The following CNBD1 variants were observed in gnomAD, a reference collection of about 807,000 sequenced individuals.
The protein encoded by CNBD1 is cyclic nucleotide binding domain containing 1.
A neutral mutation model predicts 54.4 loss-of-function variants in CNBD1; 71 were observed. The ratio of observed to expected loss-of-function variants is 1.30; its 90% CI spans 1.08 to 1.59. The LOEUF (loss-of-function observed/expected upper bound fraction) is 1.59, where lower values mean the gene tolerates loss of function less well. Among genes scored for constraint, CNBD1 ranks in the 40% most tolerant of loss-of-function variants. The probability of loss-of-function intolerance (pLI) is 0.00; values close to 1 mark genes in which losing one functional copy is unlikely to be tolerated. For missense variants in CNBD1, 659 were observed against 518.0 expected (o/e 1.27, Z -2.64); for synonymous variants, 182 against 170.7 (o/e 1.07, Z -0.51).
intron 8 of CNBD1, among the ~76,000 whole-genome samples, chr8:87,348,829 A>C (rs1810226022): frequency 6.6e-6 from 1 of 152,222 alleles, no homozygotes. Flanking sequence ...AAATGATTTT[A>C]TTAGACTTGG....
At chr8:87,151,098 C>G (rs1420976325) in intron 4 of CNBD1, among the ~76,000 whole-genome samples, 1 of 152,184 alleles carries the variant, frequency 6.6e-6, no homozygotes, top group East Asian at 1.9e-4. Context: ...GCCAACCAAA[C>G]TTCAGAATGG....
intron 1 of CNBD1, among the ~76,000 whole-genome samples, chr8:86,880,587 T>A (rs1018922901): frequency 6.6e-5 from 10 of 152,120 alleles, no homozygotes; most frequent in African/African-American, 2.4e-4. Flanking sequence ...CCCATGGATA[T>A]TGATGGACAA....
chr8:86,930,320 GT>G (rs1809434428), intron 3 of CNBD1, among the ~76,000 whole-genome samples: 1 of 152,144 alleles, frequency 6.6e-6, no homozygotes, highest in Admixed American at 6.6e-5. Flanking sequence ...TAGATGCCTT[GT>G]ACCCTTGATT....
chr8:87,304,374 A>T (rs1349013586), intron 8 of CNBD1, among the ~76,000 whole-genome samples: 1 of 152,154 alleles, frequency 6.6e-6, no homozygotes, highest in East Asian at 1.9e-4. Flanking sequence ...TTCTCAGCAA[A>T]CTATCACAAG....
At chr8:87,148,156 T>A (rs1460312711) in intron 4 of CNBD1, among the ~76,000 whole-genome samples, 1 of 152,218 alleles carries the variant, frequency 6.6e-6, no homozygotes, top group Admixed American at 6.5e-5. Flanking sequence ...ATGGTGCTTT[T>A]ACAAATTAAA....
intron 7 of CNBD1, among the ~76,000 whole-genome samples, chr8:87,286,029 C>A (rs1313518056): frequency 6.6e-6 from 1 of 152,294 alleles, no homozygotes; most frequent in Non-Finnish European, 1.5e-5. Flanking sequence ...GAGAAGACAT[C>A]CATCTTCTTG....
chr8:86,913,402 C>G (rs536904487), intron 3 of CNBD1, among the ~76,000 whole-genome samples: 8 of 151,994 alleles, frequency 5.3e-5, no homozygotes, highest in Non-Finnish European at 1.0e-4. Flanking sequence ...ATCGGGGGAA[C>G]CTGCCCCCGA....
intron 4 of CNBD1, among the ~76,000 whole-genome samples, chr8:87,036,766 A>T (rs922934751): frequency 6.6e-6 from 1 of 152,038 alleles, no homozygotes. Flanking sequence ...TAAAAGTAAA[A>T]CTCTAATAAT....
chr8:87,107,473 G>T (rs1049297161), intron 4 of CNBD1, among the ~76,000 whole-genome samples: 1 of 152,096 alleles, frequency 6.6e-6, no homozygotes, highest in African/African-American at 2.4e-5. Flanking sequence ...GCCTATTCCA[G>T]CTACTCATCT....
At chr8:87,218,219 C>T (rs1306842038) in intron 5 of CNBD1, among the ~76,000 whole-genome samples, 1 of 152,024 alleles carries the variant, frequency 6.6e-6, no homozygotes, top group African/African-American at 2.4e-5. Context: ...AGTGGTTAGA[C>T]ATAATAGTTA....
At chr8:87,347,167 A>C (rs1563563324) in intron 8 of CNBD1, among the ~76,000 whole-genome samples, 1 of 152,030 alleles carries the variant, frequency 6.6e-6, no homozygotes, top group Non-Finnish European at 1.5e-5. Context: ...TCTTTTTATT[A>C]ATGTTTTTTG....
intron 4 of CNBD1, among the ~76,000 whole-genome samples, chr8:87,146,183 T>A (rs1440991196): frequency 6.6e-6 from 1 of 152,152 alleles, no homozygotes; most frequent in Non-Finnish European, 1.5e-5. Context: ...TTATAGACTT[T>A]TCTTTCTTCC....
intron 4 of CNBD1, among the ~76,000 whole-genome samples, chr8:87,040,426 T>TTC (rs1289907299): frequency 6.7e-6 from 1 of 148,556 alleles, no homozygotes; most frequent in African/African-American, 2.5e-5. Context: ...TCTTTTTCTT[T>TTC]TTTTTTTTTT....
chr8:87,217,544 G>T (rs1403060466), intron 5 of CNBD1, among the ~76,000 whole-genome samples: 1 of 147,612 alleles, frequency 6.8e-6, no homozygotes, highest in Admixed American at 6.9e-5. Context: ...AATTATTGGT[G>T]AATTTTAAGG....
intron 4 of CNBD1, among the ~76,000 whole-genome samples, chr8:87,022,220 C>A (rs1346016153): frequency 6.6e-6 from 1 of 152,172 alleles, no homozygotes; most frequent in Non-Finnish European, 1.5e-5. Flanking sequence ...AAGGGAATGT[C>A]TGCAAAGAGG....
intron 1 of CNBD1, among the ~76,000 whole-genome samples, chr8:86,885,627 T>C (rs902838054): frequency 2.0e-5 from 3 of 152,242 alleles, no homozygotes; most frequent in African/African-American, 7.2e-5. Context: ...TACAATTTCA[T>C]GTTGAAACCT....
intron 4 of CNBD1, among the ~76,000 whole-genome samples, chr8:86,945,392 T>C (rs1025740303): frequency 9.2e-5 from 14 of 152,166 alleles, no homozygotes; most frequent in African/African-American, 2.9e-4. Flanking sequence ...TCAGAGGAAT[T>C]GCTCCCTGGA....
chr8:87,265,023 T>G (rs1384419500), intron 6 of CNBD1, among the ~76,000 whole-genome samples: 3 of 152,158 alleles, frequency 2.0e-5, no homozygotes, highest in Admixed American at 1.3e-4. Context: ...CCTTTGTCAA[T>G]TTTGGCTTTT....
chr8:86,944,099 A>G (rs571172494), intron 4 of CNBD1, among the ~76,000 whole-genome samples: 1 of 152,320 alleles, frequency 6.6e-6, no homozygotes, highest in South Asian at 2.1e-4. Context: ...TTTACATGCA[A>G]TTGGCAAAGG....
Sources: allele counts gnomAD v4.1 joint callset (sites outside exome capture counted in the v4.1 genomes callset), GRCh38; gene constraint gnomAD v4.1.1; transcripts MANE v1.5; gene names NCBI Gene and HGNC (gene_info 2026-07-23, HGNC 2026-07-21).